Variants in CAPRIN2 observed in about 807,000 individuals in gnomAD.
CAPRIN2 encodes caprin family member 2.
CAPRIN2 carries 66 observed loss-of-function variants against 130.4 expected under a neutral mutation model. The ratio of observed to expected loss-of-function variants is 0.51; its 90% CI spans 0.42 to 0.62. CAPRIN2 has a LOEUF of 0.62. Among genes scored for constraint, CAPRIN2 ranks in the 20% least tolerant of loss-of-function variants. CAPRIN2 has a pLI of 0.00. For synonymous variants in CAPRIN2, 471 were observed against 444.1 expected (o/e 1.06, Z -0.76); for missense variants, 1,185 against 1,246.6 (o/e 0.95, Z 0.74).
intron 3 of CAPRIN2, among the ~76,000 whole-genome samples, chr12:30,739,640 G>A (rs369060752): frequency 2.6e-5 from 4 of 151,880 alleles, no homozygotes; most frequent in African/African-American, 7.3e-5. Context: ...GCGTGAACCC[G>A]GGAGGCGGAG....
Position 30,741,023 on chromosome 12 carries a change from T to C in CAPRIN2, c.567A>G (p.Leu189=), listed in dbSNP as rs146271709. 686 of 1,601,116 alleles carry C rather than the reference T, an allele frequency of 4.3e-4. 11 individuals are homozygous for C. In the East Asian group the frequency reaches 0.013, roughly 31 times the overall value. The stretch of plus-strand genomic sequence containing the variant: ...AAAGCAAAGAAAACATACTCACATC[T>C]AGGCTCAACCCAGAAAAGGTTTTTT... The change falls in exon 3 of 17, where the codon CTA becomes CTG. Residue 189 remains leucine (L), a synonymous_variant. Transcript: ENST00000298892.
chr12:30,713,744 A>G (rs1468391212), intron 15 of CAPRIN2, 41 bp downstream of exon 17: 1 of 1,167,964 alleles, frequency 8.6e-7, no homozygotes, highest in South Asian at 1.3e-5. Flanking sequence ...TAACATCAAC[A>G]ACTGTACCAC....
At chr12:30,734,709 C>T (rs550027937) in intron 4 of CAPRIN2, among the ~76,000 whole-genome samples, 1 of 152,046 alleles carries the variant, frequency 6.6e-6, no homozygotes, top group African/African-American at 2.4e-5. Context: ...ATCAGTATTA[C>T]AATAAAGAAG....
At chr12:30,713,339 TA>T (rs5797384) in intron 15 of CAPRIN2, among the ~76,000 whole-genome samples, 50,714 of 151,984 alleles carry the variant, frequency 0.33, 8,673 homozygotes, top group African/African-American at 0.38. Flanking sequence ...ACAAAAAACT[TA>T]ACGAAAAAGG....
intron 14 of CAPRIN2, among the ~76,000 whole-genome samples, chr12:30,714,234 C>T (rs967391105): frequency 6.6e-6 from 1 of 152,178 alleles, no homozygotes; most frequent in Non-Finnish European, 1.5e-5. Context: ...CAGGCTGGAG[C>T]ACAGTAGTGA....
At chr12:30,725,770 G>A (rs1365219999) in intron 9 of CAPRIN2, among the ~76,000 whole-genome samples, 196 bp downstream of exon 10, 1 of 151,966 alleles carries the variant, frequency 6.6e-6, no homozygotes, top group Non-Finnish European at 1.5e-5. Context: ...TTAGAAAGTA[G>A]GAACAATAAT....
At chr12:30,726,634 T>C (rs75704597) in intron 8 of CAPRIN2, among the ~76,000 whole-genome samples, 6,346 of 152,280 alleles carry the variant, frequency 0.042, 193 homozygotes, top group Non-Finnish European at 0.062. Flanking sequence ...TTAAAATTGA[T>C]GCACATTCTG....
chr12:30,748,530 T>C (rs1400928188), intron 2 of CAPRIN2, among the ~76,000 whole-genome samples: 1 of 152,232 alleles, frequency 6.6e-6, no homozygotes, highest in African/African-American at 2.4e-5. Context: ...AATGTAACTT[T>C]TACATGCACT....
chr12:30,749,629 T>A (rs2072660503), intron 2 of CAPRIN2, among the ~76,000 whole-genome samples: 1 of 152,172 alleles, frequency 6.6e-6, no homozygotes, highest in Admixed American at 6.5e-5. Flanking sequence ...TTTTGGCAAC[T>A]CCTGCTAGTT....
At chr12:30,726,603 C>T (rs1448814738) in intron 8 of CAPRIN2, among the ~76,000 whole-genome samples, 1 of 152,162 alleles carries the variant, frequency 6.6e-6, no homozygotes, top group African/African-American at 2.4e-5. Flanking sequence ...TTGGGGGCTA[C>T]TGATATCCAT....
chr12:30,725,605 C>T (rs2137440960), intron 9 of CAPRIN2, among the ~76,000 whole-genome samples: 1 of 152,258 alleles, frequency 6.6e-6, no homozygotes, highest in South Asian at 2.1e-4. Flanking sequence ...CAATGAATGT[C>T]TCATTTTCTG....
At chr12:30,753,257 G>T in intron 1 of CAPRIN2, 87 bp downstream of exon 2, 1 of 1,121,182 alleles carries the variant, frequency 8.9e-7, no homozygotes. Flanking sequence ...ATTTTTAGTA[G>T]AGAACACCTA....
chr12:30,716,145 G>A, intron 13 of CAPRIN2: 1 of 212,008 alleles, frequency 4.7e-6, no homozygotes, highest in South Asian at 7.9e-5. Flanking sequence ...GAAAAGGACA[G>A]ATAACCATTT....
exon 8 of CAPRIN2, chr12:30,729,166 A>G: frequency 6.2e-7 from 1 of 1,614,018 alleles, no homozygotes; most frequent in Middle Eastern, 1.7e-4. Flanking sequence ...GCCTCCCAGG[A>G]CTTAAAGGAC....
rs1336476179 is a variant in CAPRIN2 at position 30,713,894 on chromosome 12, T to C, written c.2501-9A>G. On this transcript the variant is annotated splice_polypyrimidine_tract_variant and intron_variant, in intron 14 of 16. Transcript: ENST00000298892. ...TCTATAAGTATCAAAACCTAATAAA[T>C]AAACAAACTTACATAAGATTATGGA... 17 of 1,435,702 alleles carry C rather than the reference T, an allele frequency of 1.2e-5. No homozygotes were observed. Among genetic ancestry groups the C allele is most frequent in the Non-Finnish European group, 1.6e-5 (16 of 1,020,868 alleles). 88.9% of individuals were successfully genotyped at this position (1,435,702 alleles called of 1,614,324 possible). A position where few individuals can be genotyped will look rare whatever the true frequency, so the allele number is the denominator to read the frequency against.
chr12:30,735,377 T>C (rs535948018), intron 3 of CAPRIN2, among the ~76,000 whole-genome samples, 171 bp from the exon 5 acceptor site: 1 of 152,316 alleles, frequency 6.6e-6, no homozygotes, highest in Admixed American at 6.5e-5. Flanking sequence ...CACTGAGTAA[T>C]AAACTGGTTT....
At chr12:30,714,881 G>T in intron 14 of CAPRIN2, 78 bp downstream of exon 16, 1 of 1,177,986 alleles carries the variant, frequency 8.5e-7, no homozygotes, top group Non-Finnish European at 1.2e-6. Flanking sequence ...AGGGAGCAAG[G>T]TTAGGTAAAA....
In CAPRIN2 at chr12:30,735,163, A is replaced by C. The variant is rs759455616; in HGVS notation, c.614T>G (p.Leu205Arg). The C allele has an allele frequency of 1.9e-6, 3 of 1,614,072 alleles. No homozygotes were observed. The African/African-American group carries it at 4.0e-5, about 22-fold the overall frequency. ...CTTTTTCTTCTCAGCCTCAAGTTTT[A>C]GCATGTGCTCCCTTCTCTGGGCCTT... The change falls in exon 4 of 17, where the codon CTA becomes CGA. Residue 205 changes from leucine (L) to arginine (R), a missense_variant. Around this residue, in one of 2 missense-constraint regions of CAPRIN2, gnomAD observed 1,104 missense variants for 1,104.3 expected, o/e 1.00. Transcript: ENST00000298892.
exon 17 of CAPRIN2, chr12:30,709,693 A>C: frequency 1.9e-6 from 1 of 528,718 alleles, no homozygotes; most frequent in South Asian, 2.9e-5. Context: ...TAGCGAGGCT[A>C]CATCACAATT....
Sources: gnomAD v4.1 joint callset for allele counts (sites outside exome capture counted in the v4.1 genomes callset) on GRCh38, gnomAD v4.1.1 for gene constraint, gnomAD v4.1.1 regional missense constraint, MANE v1.5 for transcripts, NCBI Gene and HGNC (gene_info 2026-07-23, HGNC 2026-07-21) for gene names.